FOXN3: variants seen among roughly 807,000 people sequenced by gnomAD.
The protein encoded by FOXN3 is forkhead box protein N3.
A neutral mutation model predicts 38.4 loss-of-function variants in FOXN3; 7 were observed. The observed-to-expected ratio is 0.18, with a 90% CI of 0.10 to 0.34. FOXN3 has a LOEUF of 0.34. Among genes scored for constraint, FOXN3 ranks in the 10% least tolerant of loss-of-function variants. FOXN3 has a pLI of 1.00. For synonymous variants in FOXN3, 230 were observed against 242.2 expected, an observed-to-expected ratio of 0.95 and a Z score of 0.47; for missense variants, 456 against 613.4, an observed-to-expected ratio of 0.74 and a Z score of 2.71.
At chr14:89,196,988 T>C (rs55638851) in intron 4 of FOXN3, among the ~76,000 whole-genome samples, 19,983 of 152,222 alleles carry the variant, frequency 0.13, 1,500 homozygotes, top group Non-Finnish European at 0.18. Context: ...AAACACTTCC[T>C]ATAGAGAAAG....
chr14:89,272,155 C>CA (rs768228676), intron 4 of FOXN3, among the ~76,000 whole-genome samples: 144 of 151,932 alleles, frequency 9.5e-4, no homozygotes, highest in African/African-American at 3.1e-3. Context: ...ACTAAAAATA[C>CA]AAAAAAATTA....
At chr14:89,546,866 C>A (rs1015870843) in intron 1 of FOXN3, among the ~76,000 whole-genome samples, 1 of 152,118 alleles carries the variant, frequency 6.6e-6, no homozygotes, top group African/African-American at 2.4e-5. Context: ...TCACTGCAAC[C>A]TCCGCCTCCC....
At chr14:89,495,388 G>T (rs778044033) in intron 1 of FOXN3, among the ~76,000 whole-genome samples, 2 of 152,130 alleles carry the variant, frequency 1.3e-5, no homozygotes, top group Non-Finnish European at 2.9e-5. Context: ...ATTGAATCAT[G>T]CTTGGCTATT....
intron 2 of FOXN3, among the ~76,000 whole-genome samples, chr14:89,376,902 T>A (rs1258917797): frequency 1.3e-5 from 2 of 151,278 alleles, no homozygotes; most frequent in East Asian, 3.9e-4. Flanking sequence ...TAATCCCAGC[T>A]ACTCAGGAGG....
chr14:89,223,904 C>T (rs1010370478), intron 4 of FOXN3, among the ~76,000 whole-genome samples: 1 of 152,174 alleles, frequency 6.6e-6, no homozygotes, highest in Non-Finnish European at 1.5e-5. Flanking sequence ...ATCAACATAT[C>T]GATGCAGATC....
chr14:89,383,029 G>GTTTTTTTTTTTTTT (rs57032907), intron 2 of FOXN3, among the ~76,000 whole-genome samples: 2 of 92,512 alleles, frequency 2.2e-5, no homozygotes, highest in Non-Finnish European at 4.0e-5. Flanking sequence ...TTTGGGTGGT[G>GTTTTTTTTTTTTTT]TTTTTTTTTT....
chr14:89,386,130 G>A (rs996446555), intron 2 of FOXN3, among the ~76,000 whole-genome samples: 4 of 152,212 alleles, frequency 2.6e-5, no homozygotes, highest in Admixed American at 2.0e-4. Context: ...GGATGCACAC[G>A]GGGGAGCTCG....
At chr14:89,483,149 C>G (rs1388353362) in intron 1 of FOXN3, among the ~76,000 whole-genome samples, 1 of 152,094 alleles carries the variant, frequency 6.6e-6, no homozygotes, top group South Asian at 2.1e-4. Flanking sequence ...GGAGGTTGCA[C>G]AGACCCAAGA....
chr14:89,319,442 T>G (rs1192851202), intron 3 of FOXN3, among the ~76,000 whole-genome samples: 1 of 152,154 alleles, frequency 6.6e-6, no homozygotes, highest in Non-Finnish European at 1.5e-5. Flanking sequence ...AAGTGCTGTT[T>G]GCAAGGGAAG....
At chr14:89,582,718 C>A (rs534062729) in intron 1 of FOXN3, among the ~76,000 whole-genome samples, 2 of 152,188 alleles carry the variant, frequency 1.3e-5, no homozygotes, top group African/African-American at 4.8e-5. Context: ...CCTGTGAAAC[C>A]ATCACCATGA....
At chr14:89,503,547 T>C (rs948042478) in intron 1 of FOXN3, among the ~76,000 whole-genome samples, 2 of 152,226 alleles carry the variant, frequency 1.3e-5, no homozygotes, top group South Asian at 2.1e-4. Flanking sequence ...ATTTGAATAT[T>C]TGAAAGGTAA....
chr14:89,617,939 G>C (rs1314882043), intron 1 of FOXN3, among the ~76,000 whole-genome samples: 1 of 152,180 alleles, frequency 6.6e-6, no homozygotes, highest in African/African-American at 2.4e-5. Flanking sequence ...CCAGTCATTC[G>C]TGCAGCCTTC....
chr14:89,501,523 G>A (rs76198940), intron 1 of FOXN3, among the ~76,000 whole-genome samples: 1,602 of 152,260 alleles, frequency 0.011, 13 homozygotes, highest in Non-Finnish European at 0.016. Flanking sequence ...CAGAGGGAAC[G>A]AGGAGAAAGG....
chr14:89,369,660 G>C (rs1053323301), intron 2 of FOXN3, among the ~76,000 whole-genome samples: 1 of 152,036 alleles, frequency 6.6e-6, no homozygotes, highest in African/African-American at 2.4e-5. Context: ...GAGAACAAGA[G>C]AGAATGAGAG....
At chr14:89,404,411 G>A (rs182275095) in intron 2 of FOXN3, among the ~76,000 whole-genome samples, 11 of 148,316 alleles carry the variant, frequency 7.4e-5, no homozygotes, top group Non-Finnish European at 1.5e-5. Context: ...GGATGAGGCA[G>A]GAGAATCGCT....
intron 1 of FOXN3, among the ~76,000 whole-genome samples, chr14:89,502,654 TA>T (rs1385433785): frequency 1.3e-5 from 2 of 152,172 alleles, no homozygotes; most frequent in Non-Finnish European, 2.9e-5. Flanking sequence ...GATGGTGACT[TA>T]GATTTGAAGA....
intron 1 of FOXN3, among the ~76,000 whole-genome samples, chr14:89,447,219 G>T (rs1025796436): frequency 6.9e-6 from 1 of 144,558 alleles, no homozygotes; most frequent in Admixed American, 6.9e-5. Context: ...AAAAAAAAAC[G>T]AATTCCTAAA....
At chr14:89,326,995 C>G (rs61049379) in intron 3 of FOXN3, among the ~76,000 whole-genome samples, 2 of 152,106 alleles carry the variant, frequency 1.3e-5, no homozygotes, top group Non-Finnish European at 2.9e-5. Flanking sequence ...CACACACGCA[C>G]CACCCAACCC....
At chr14:89,218,346 T>C (rs1296754738) in intron 4 of FOXN3, among the ~76,000 whole-genome samples, 1 of 152,196 alleles carries the variant, frequency 6.6e-6, no homozygotes, top group Non-Finnish European at 1.5e-5. Context: ...CTACAACTGC[T>C]TATTTTAAAA....
Sources: gnomAD v4.1 joint callset for allele counts (sites outside exome capture counted in the v4.1 genomes callset) on GRCh38, gnomAD v4.1.1 for gene constraint, MANE v1.5 for transcripts, NCBI Gene and HGNC (gene_info 2026-07-23, HGNC 2026-07-21) for gene names.